XDH: variants seen among roughly 807,000 people sequenced by gnomAD.
The protein encoded by XDH is xanthine dehydrogenase/oxidase.
In XDH, 138 loss-of-function variants were observed where a neutral mutation model predicts 156.1. The ratio of observed to expected loss-of-function variants is 0.88; its 90% CI spans 0.77 to 1.02. The LOEUF is 1.02. XDH is among the 50% of genes least tolerant of loss of function. The probability of loss-of-function intolerance (pLI) is 0.00; values close to 1 mark genes in which losing one functional copy is unlikely to be tolerated. For synonymous variants in XDH, 669 were observed against 625.7 expected, an observed-to-expected ratio of 1.07 and a Z score of -1.03; for missense variants, 1,849 against 1,684.9, an observed-to-expected ratio of 1.10 and a Z score of -1.71.
In XDH at chr2:31,387,825, G is replaced by A. The variant is rs199658065; in HGVS notation, c.637C>T (p.Pro213Ser). Residue 213 changes from proline (P) to serine (S), a missense_variant, in exon 8 of 36, where the codon CCC becomes TCC. Coordinates refer to ENST00000379416, the MANE Select transcript of XDH (RefSeq NM_000379.4). Reference sequence around the variant, plus strand: ...GCATCACCTACCAGCAACTCTGGGGGAAAAATGGGCTCCTGGGTTGGATCC... The same window carrying A: ...GCATCACCTACCAGCAACTCTGGGGAAAAAATGGGCTCCTGGGTTGGATCC... ...PLDPTQEPIFPPELLRLKDTP... is the reference protein window; with the variant it reads ...PLDPTQEPIFSPELLRLKDTP... 7.6e-6 allele frequency: 12 copies of A among 1,583,726 alleles called. No individual in the cohort carries two copies. The highest frequency in any genetic ancestry group is 2.3e-5 in the East Asian group (1 of 44,046).
chr2:31,349,008 AC>A, intron 26 of XDH, 28 bp from the exon 27 acceptor site: 1 of 1,595,246 alleles, frequency 6.3e-7, no homozygotes, highest in Non-Finnish European at 8.6e-7. Flanking sequence ...TTCTTATAGA[AC>A]CTTCGCTATC....
chr2:31,380,018 G>A (rs1414100257), intron 12 of XDH, 42 bp from the exon 13 acceptor site: 1 of 1,591,482 alleles, frequency 6.3e-7, no homozygotes, highest in Non-Finnish European at 8.6e-7. Flanking sequence ...GTGAGGGAAA[G>A]GCTGGGAACC....
chr2:31,386,623 T>C, intron 8 of XDH, 68 bp from the exon 9 acceptor site: 3 of 1,604,516 alleles, frequency 1.9e-6, no homozygotes, highest in Non-Finnish European at 2.6e-6. Flanking sequence ...ATAAATTGCT[T>C]TAAGTCCTCA....
chr2:31,407,348 G>C (rs768498786), intron 1 of XDH, among the ~76,000 whole-genome samples: 3 of 152,218 alleles, frequency 2.0e-5, no homozygotes, highest in Non-Finnish European at 4.4e-5. Context: ...TGGTAGAGCA[G>C]AGGATGTGGA....
Position 31,414,653 on chromosome 2 carries a change from T to C in XDH, c.14A>G (p.Lys5Arg). 3 of 1,613,928 alleles carry C rather than the reference T, an allele frequency of 1.9e-6. No homozygotes were observed. The highest frequency in any genetic ancestry group is 2.5e-6 in the Non-Finnish European group (3 of 1,179,960). ...TCTGCCATTCACAAAGAAAACCAAT[T>C]TGTCTGCTGTCATTGTCACAGGTTG... Reference protein sequence around the residue: MTADKLVFFVNGRKV... With the variant: MTADRLVFFVNGRKV... Residue 5 changes from lysine (K) to arginine (R), a missense_variant, in exon 1 of 36, where the codon AAA becomes AGA. By Grantham distance (26) the Lys-to-Arg change is conservative. Coordinates refer to ENST00000379416, the MANE Select transcript of XDH (RefSeq NM_000379.4).
At chr2:31,364,277 T>C in intron 23 of XDH, 33 bp from the exon 24 acceptor site, 2 of 1,606,484 alleles carry the variant, frequency 1.2e-6, no homozygotes, top group Non-Finnish European at 1.7e-6. Context: ...GGATTTATCA[T>C]AAGTCCCGTT....
intron 15 of XDH, 61 bp downstream of exon 15, chr2:31,375,319 C>A (rs1686214779): frequency 1.9e-6 from 3 of 1,611,212 alleles, no homozygotes; most frequent in Non-Finnish European, 2.5e-6. Context: ...ACTACCCAGA[C>A]CAACTTCTTA....
rs207451 is a variant in XDH, at chr2:31,344,377, C to A, written c.3404+307G>T. On this transcript the variant is annotated intron_variant, in intron 31 of 35. Coordinates refer to ENST00000379416, the MANE Select transcript of XDH (RefSeq NM_000379.4). The stretch of plus-strand genomic sequence containing the variant: ...TAGGTACTGGCCCCAATACGTCACC[C>A]ATGAGGAAACAGGGGAACAGGTTCA... Among the ~76,000 whole-genome samples the A allele has an allele frequency of 0.96, 146,889 of 152,264 alleles. 70,866 individuals are homozygous for A. The highest frequency in any genetic ancestry group is 1 in the East Asian group (5,184 of 5,184).
rs773960147 is a variant in XDH at position 31,348,893 on chromosome 2, A to C, written c.3051+6T>G. The C allele has an allele frequency of 2.5e-6, 4 of 1,610,912 alleles. No individual in the cohort carries two copies. Among genetic ancestry groups the C allele is most frequent in the Admixed American group, 3.3e-5 (2 of 60,030 alleles). The stretch of plus-strand genomic sequence containing the variant: ...GGAGATGGACACAATTCTATAAAGC[A>C]ATTACCTGATTCAGAAAAGGAACTG... On this transcript the variant is annotated splice_donor_region_variant and intron_variant, in intron 27 of 35. Coordinates refer to ENST00000379416, the MANE Select transcript of XDH (RefSeq NM_000379.4).
At position 31,346,798 on chromosome 2, in the gene XDH, T is replaced by A. The variant is rs1331688346; in HGVS notation, c.3322A>T (p.Lys1108Ter). ...TCTTCCCAGGAGCCACTGGGATTCT[T>A]CTTCTTGTAGGGTTCCAGCCTTTTC... ...ILKRLEPYKK[K>*]NPSGSWEDWV... Residue 1108 changes from lysine to a stop codon, truncating the protein, a stop_gained, in exon 30 of 36, where the codon AAG (lysine) becomes TAG (stop). Transcript: ENST00000379416. LOFTEE classifies it high-confidence loss of function. 6.2e-7 allele frequency: 1 copy of A among 1,614,014 alleles called. No individual in the cohort carries two copies. The highest frequency in any genetic ancestry group is 8.5e-7 in the Non-Finnish European group (1 of 1,180,038).
At position 31,365,588 on chromosome 2, in the gene XDH, G is replaced by T. The variant is rs770163262; in HGVS notation, c.2457-44C>A. ...GTTAGAAGCCTGTGAGCCTTCAACA[G>T]CAGCTCAGCCCTGCAAGTCTCAGAA... On this transcript the variant is annotated intron_variant, in intron 22 of 35. Coordinates refer to ENST00000379416, the MANE Select transcript of XDH (RefSeq NM_000379.4). 12 of 1,602,820 alleles carry T rather than the reference G, an allele frequency of 7.5e-6. No homozygotes were observed. In the Admixed American group the frequency reaches 1.8e-4, roughly 24 times the overall value.
At chr2:31,357,327 A>G (rs1268048687) in intron 24 of XDH, among the ~76,000 whole-genome samples, 1 of 152,236 alleles carries the variant, frequency 6.6e-6, no homozygotes, top group Admixed American at 6.5e-5. Context: ...AAAAAGAGCA[A>G]TAAAATTGAC....
chr2:31,368,454 C>G, intron 19 of XDH, 87 bp downstream of exon 19: 1 of 1,553,184 alleles, frequency 6.4e-7, no homozygotes. Context: ...CTACCTGCTG[C>G]TCAAATCCCC....
At chr2:31,349,551 G>A (rs775514874) in intron 26 of XDH, 135 bp downstream of exon 26, 32 of 1,267,898 alleles carry the variant, frequency 2.5e-5, no homozygotes, top group Non-Finnish European at 3.3e-5. Context: ...TAAAGAGATG[G>A]CTGTGAATGA....
At chr2:31,375,644 A>G in intron 14 of XDH, 90 bp from the exon 15 acceptor site, 1 of 1,479,392 alleles carries the variant, frequency 6.8e-7, no homozygotes, top group Non-Finnish European at 9.1e-7. Context: ...TCGGAGCTGT[A>G]CAAAGCTTGG....
At chr2:31,354,194 A>T (rs1685565946) in intron 24 of XDH, among the ~76,000 whole-genome samples, 1 of 152,198 alleles carries the variant, frequency 6.6e-6, no homozygotes, top group Non-Finnish European at 1.5e-5. Context: ...CAAGTGGAAG[A>T]TCAAGATTTC....
chr2:31,404,545 T>C (rs898027551), intron 2 of XDH, among the ~76,000 whole-genome samples: 1 of 152,218 alleles, frequency 6.6e-6, no homozygotes, highest in East Asian at 1.9e-4. Context: ...CAATTGCTGA[T>C]AAGGAATTTC....
rs769768032 is a variant in XDH, at chr2:31,383,846, G to A, written c.795C>T (p.Gly265=). 2.5e-6 allele frequency: 4 copies of A among 1,613,670 alleles called. No homozygotes were observed. The East Asian group carries it at 8.9e-5, about 36-fold the overall frequency. The change falls in exon 10 of 36, where the codon GGC becomes GGT. Residue 265 remains glycine, a splice_region_variant and synonymous_variant. Transcript: ENST00000379416. ...AKLVVGNTEI[G]IEMKFKNMLF... ...GCATATTCTTGAACTTCATCTCAAT[G>A]CCTAGAGAGAAACAAGAAGCTGAAG...
intron 6 of XDH, 48 bp from the exon 7 acceptor site, chr2:31,388,343 T>C (rs1686672159): frequency 6.3e-7 from 1 of 1,598,448 alleles, no homozygotes; most frequent in African/African-American, 1.3e-5. Context: ...AAAGAGTATT[T>C]GCAGAAGCTA....
Sources: allele counts gnomAD v4.1 joint callset (sites outside exome capture counted in the v4.1 genomes callset), GRCh38; gene constraint gnomAD v4.1.1; transcripts MANE v1.5; gene names NCBI Gene and HGNC (gene_info 2026-07-23, HGNC 2026-07-21).